Variants in WSCD2 observed in about 807,000 individuals in gnomAD.
WSCD2 encodes sialate:O-sulfotransferase 2.
WSCD2 carries 28 observed loss-of-function variants against 55.7 expected under a neutral mutation model. That is an observed-to-expected ratio of 0.50 (90% confidence interval 0.37 to 0.69). The LOEUF is 0.69. WSCD2 is among the 30% of genes least tolerant of loss of function. The pLI, the probability that WSCD2 is intolerant of heterozygous loss-of-function variation, is 0.00. For synonymous variants in WSCD2, 301 were observed against 301.9 expected (o/e 1.00, Z 0.03); for missense variants, 616 against 762.1 (o/e 0.81, Z 2.26).
At chr12:108,227,225 G>A (rs925854696) in intron 6 of WSCD2, 61 bp downstream of exon 6, 71 of 1,558,792 alleles carry the variant, frequency 4.6e-5, no homozygotes, top group Non-Finnish European at 5.6e-5. Context: ...CCTCCCAGAC[G>A]TGTTCCTGCC....
intron 7 of WSCD2, among the ~76,000 whole-genome samples, chr12:108,235,360 G>A (rs1889174480): frequency 6.6e-6 from 1 of 152,130 alleles, no homozygotes; most frequent in Non-Finnish European, 1.5e-5. Flanking sequence ...ATTGCCCAGG[G>A]AGCTTTTAAA....
At chr12:108,192,417 G>T (rs1883301003) in intron 1 of WSCD2, among the ~76,000 whole-genome samples, 1 of 152,150 alleles carries the variant, frequency 6.6e-6, no homozygotes, top group Admixed American at 6.5e-5. Context: ...CTCTGTTCTT[G>T]CCTGAGTGCC....
intron 1 of WSCD2, among the ~76,000 whole-genome samples, chr12:108,161,622 A>C (rs959921810): frequency 2.0e-5 from 3 of 152,222 alleles, no homozygotes; most frequent in Non-Finnish European, 4.4e-5. Context: ...AGGCTCCAGA[A>C]CCAGGAGAGA....
chr12:108,161,652 G>C (rs899534763), intron 1 of WSCD2, among the ~76,000 whole-genome samples: 2 of 152,192 alleles, frequency 1.3e-5, no homozygotes, highest in African/African-American at 2.4e-5. Flanking sequence ...TGCTGTTTAA[G>C]CCACTTGGTT....
At chr12:108,196,443 T>C in intron 2 of WSCD2, 1 of 607,534 alleles carries the variant, frequency 1.6e-6, no homozygotes, top group Non-Finnish European at 2.7e-6. Context: ...GAGGCAAGTT[T>C]GGATTTGAAC....
At chr12:108,215,516 T>C (rs1253993849) in intron 4 of WSCD2, among the ~76,000 whole-genome samples, 2 of 152,170 alleles carry the variant, frequency 1.3e-5, no homozygotes, top group African/African-American at 2.4e-5. Context: ...ATTCAAGTGA[T>C]TTGAATTTCC....
chr12:108,236,582 T>C (rs907156165), intron 7 of WSCD2, among the ~76,000 whole-genome samples: 1 of 148,966 alleles, frequency 6.7e-6, no homozygotes, highest in African/African-American at 2.5e-5. Context: ...CTCTCTCTCA[T>C]TCTCTCTCTC....
At chr12:108,222,536 C>G (rs1037837927) in intron 4 of WSCD2, among the ~76,000 whole-genome samples, 1 of 152,208 alleles carries the variant, frequency 6.6e-6, no homozygotes, top group Non-Finnish European at 1.5e-5. Flanking sequence ...ACTGTGTTAA[C>G]AATGCCCTTT....
intron 4 of WSCD2, among the ~76,000 whole-genome samples, chr12:108,223,390 T>C (rs1270013435): frequency 1.3e-5 from 2 of 152,252 alleles, no homozygotes; most frequent in Non-Finnish European, 2.9e-5. Flanking sequence ...TCAGTTTTTA[T>C]TTAACTTTGT....
chr12:108,174,513 T>C (rs1472639583), intron 1 of WSCD2, among the ~76,000 whole-genome samples: 2 of 152,214 alleles, frequency 1.3e-5, no homozygotes, highest in African/African-American at 4.8e-5. Flanking sequence ...ATGTCATTGC[T>C]GGACAGTGTC....
chr12:108,154,324 G>A (rs772596016), intron 1 of WSCD2, among the ~76,000 whole-genome samples: 3 of 152,106 alleles, frequency 2.0e-5, no homozygotes, highest in African/African-American at 7.2e-5. Context: ...GCCTTTCCCA[G>A]CTTCTAGATG....
intron 5 of WSCD2, 42 bp downstream of exon 5, chr12:108,224,902 C>T: frequency 1.9e-6 from 3 of 1,602,840 alleles, no homozygotes; most frequent in Non-Finnish European, 2.5e-6. Context: ...GGGGAGGGAA[C>T]CATGCAGCAG....
rs187281668 is a variant in WSCD2 at position 108,240,228 on chromosome 12, C to T, written c.1145-116C>T. On this transcript the variant is annotated intron_variant, in intron 7 of 8. Transcript: ENST00000547525. ...ACATAGTAGGTGCTCAATAAATACG[C>T]GAATGACTGAGTGAACAAATGCATG... The T allele has an allele frequency of 5.3e-3, 6,911 of 1,314,276 alleles. 30 individuals carry two copies. Among genetic ancestry groups the T allele is most frequent in the Non-Finnish European group, 6.5e-3 (6,141 of 939,692 alleles). 81.4% of individuals were successfully genotyped at this position (1,314,276 alleles called of 1,614,324 possible).
intron 1 of WSCD2, among the ~76,000 whole-genome samples, chr12:108,176,743 T>C (rs1156638508): frequency 6.6e-6 from 1 of 152,228 alleles, no homozygotes; most frequent in East Asian, 1.9e-4. Flanking sequence ...ATTCCTACCA[T>C]GGATGGATGG....
chr12:108,183,832 T>A (rs574860873), intron 1 of WSCD2, among the ~76,000 whole-genome samples: 1 of 152,300 alleles, frequency 6.6e-6, no homozygotes, highest in South Asian at 2.1e-4. Flanking sequence ...GTTCTGCCAC[T>A]CACCAGCTCT....
intron 1 of WSCD2, among the ~76,000 whole-genome samples, chr12:108,190,912 C>G (rs1468444990): frequency 6.6e-6 from 1 of 152,156 alleles, no homozygotes; most frequent in African/African-American, 2.4e-5. Context: ...TGGATTGTCT[C>G]ATCGAATCCT....
intron 1 of WSCD2, among the ~76,000 whole-genome samples, chr12:108,144,313 T>A (rs1052072345): frequency 6.6e-6 from 1 of 152,170 alleles, no homozygotes; most frequent in Non-Finnish European, 1.5e-5. Flanking sequence ...TTCATGGCCA[T>A]GGGAGCACCT....
chr12:108,162,260 C>A (rs375495757), intron 1 of WSCD2, among the ~76,000 whole-genome samples: 1 of 152,226 alleles, frequency 6.6e-6, no homozygotes, highest in Admixed American at 6.5e-5. Flanking sequence ...TCAGCATCTT[C>A]CTTGCAGGCT....
chr12:108,239,245 C>T (rs79311950), intron 7 of WSCD2, among the ~76,000 whole-genome samples: 6,717 of 152,252 alleles, frequency 0.044, 221 homozygotes, highest in Middle Eastern at 0.092. Flanking sequence ...TTTGCACCTA[C>T]GTTTCCCAGC....
Sources: allele counts gnomAD v4.1 joint callset (sites outside exome capture counted in the v4.1 genomes callset), GRCh38; gene constraint gnomAD v4.1.1; transcripts MANE v1.5; gene names NCBI Gene and HGNC (gene_info 2026-07-23, HGNC 2026-07-21).